NWD2: variants seen among roughly 807,000 people sequenced by gnomAD.
The protein encoded by NWD2 is NACHT and WD repeat domain-containing protein 2.
A neutral mutation model predicts 132.7 loss-of-function variants in NWD2; 37 were observed. The ratio of observed to expected loss-of-function variants is 0.28; its 90% CI spans 0.21 to 0.37. The LOEUF (loss-of-function observed/expected upper bound fraction) is 0.37, where lower values mean the gene tolerates loss of function less well. Ranked by LOEUF, NWD2 falls within the 10% of genes least tolerant of loss-of-function variation. The pLI is 1.00. For missense variants in NWD2, 1,592 were observed against 2,122.4 expected, an observed-to-expected ratio of 0.75 and a Z score of 4.91; for synonymous variants, 705 against 803.0, an observed-to-expected ratio of 0.88 and a Z score of 2.06.
At chr4:37,293,387 A>T (rs1214491197) in intron 1 of NWD2, among the ~76,000 whole-genome samples, 1 of 152,348 alleles carries the variant, frequency 6.6e-6, no homozygotes, top group East Asian at 1.9e-4. Flanking sequence ...TGTACATGGC[A>T]AGTTGCAAAC....
chr4:37,355,794 C>A (rs1458250651), intron 2 of NWD2, among the ~76,000 whole-genome samples: 1 of 151,846 alleles, frequency 6.6e-6, no homozygotes, highest in Admixed American at 6.6e-5. Flanking sequence ...ATTTTTTTGC[C>A]CGTACATGTT....
At chr4:37,436,529 G>T (rs1467406592) in intron 5 of NWD2, among the ~76,000 whole-genome samples, 1 of 151,926 alleles carries the variant, frequency 6.6e-6, no homozygotes, top group Non-Finnish European at 1.5e-5. Flanking sequence ...TGCTCCATTT[G>T]TGATCAACAC....
intron 1 of NWD2, among the ~76,000 whole-genome samples, chr4:37,290,847 T>G (rs543244044): frequency 1.3e-5 from 2 of 152,328 alleles, no homozygotes; most frequent in African/African-American, 4.8e-5. Context: ...TACTGACTTT[T>G]TAAATTAGTT....
At chr4:37,378,185 G>A (rs1005304890) in intron 3 of NWD2, among the ~76,000 whole-genome samples, 10 of 152,098 alleles carry the variant, frequency 6.6e-5, no homozygotes, top group African/African-American at 2.4e-4. Context: ...ATGTTCCTGT[G>A]TCTGCTCCAC....
At chr4:37,283,041 T>TCACA (rs1485394290) in intron 1 of NWD2, among the ~76,000 whole-genome samples, 1 of 152,166 alleles carries the variant, frequency 6.6e-6, no homozygotes, top group African/African-American at 2.4e-5. Flanking sequence ...CACCAGGGAC[T>TCACA]CACACCCTGT....
chr4:37,387,794 C>A (rs976534504), intron 3 of NWD2, among the ~76,000 whole-genome samples: 3 of 150,762 alleles, frequency 2.0e-5, no homozygotes, highest in African/African-American at 7.3e-5. Flanking sequence ...CCCGCCTCAG[C>A]CTACTGAGTA....
intron 2 of NWD2, among the ~76,000 whole-genome samples, chr4:37,348,675 T>TATATACACACACACACAC (rs1308407988): frequency 4.4e-5 from 1 of 22,572 alleles, no homozygotes; most frequent in African/African-American, 1.8e-4. Context: ...TATATATATA[T>TATATACACACACACACAC]ACACACACAC....
chr4:37,306,806 C>T (rs577134918), intron 1 of NWD2, among the ~76,000 whole-genome samples: 35 of 152,068 alleles, frequency 2.3e-4, no homozygotes, highest in African/African-American at 6.3e-4. Context: ...GCGGATCACA[C>T]GGTCAGGAGA....
intron 3 of NWD2, among the ~76,000 whole-genome samples, chr4:37,388,882 G>A (rs1194697552): frequency 1.3e-5 from 2 of 150,846 alleles, no homozygotes; most frequent in Non-Finnish European, 2.9e-5. Context: ...ACTCTCCCAC[G>A]TGCCCCTCCT....
At chr4:37,426,606 C>T (rs16993541) in intron 3 of NWD2, among the ~76,000 whole-genome samples, 4 of 152,072 alleles carry the variant, frequency 2.6e-5, no homozygotes, top group Non-Finnish European at 5.9e-5. Flanking sequence ...CAGGCTCTGC[C>T]CCTTCAGTAC....
At chr4:37,390,241 GTATATGTACATACTTTAAGTA>G (rs1313441027) in intron 3 of NWD2, among the ~76,000 whole-genome samples, 1 of 151,066 alleles carries the variant, frequency 6.6e-6, no homozygotes, top group African/African-American at 2.5e-5. Context: ...TATACTTTAA[GTATATGTACATACTTTAAGTA>G]TATGTACATA....
At chr4:37,272,264 T>C (rs1343605791) in intron 1 of NWD2, among the ~76,000 whole-genome samples, 1 of 151,740 alleles carries the variant, frequency 6.6e-6, no homozygotes, top group East Asian at 1.9e-4. Flanking sequence ...TCTGTAGTTT[T>C]CTCATAATAT....
intron 3 of NWD2, among the ~76,000 whole-genome samples, chr4:37,392,395 T>A (rs1720695372): frequency 6.6e-6 from 1 of 152,244 alleles, no homozygotes; most frequent in Non-Finnish European, 1.5e-5. Flanking sequence ...GCCTCAGCTA[T>A]ACTGACACCT....
intron 1 of NWD2, among the ~76,000 whole-genome samples, chr4:37,295,930 A>G (rs1317666351): frequency 1.3e-5 from 2 of 152,188 alleles, no homozygotes; most frequent in Admixed American, 6.5e-5. Context: ...TCCACTTACT[A>G]AAATTTATTT....
chr4:37,281,092 G>C (rs1272216646), intron 1 of NWD2, among the ~76,000 whole-genome samples: 1 of 152,120 alleles, frequency 6.6e-6, no homozygotes, highest in Non-Finnish European at 1.5e-5. Flanking sequence ...TGCTAGTTTG[G>C]AATGCTGCTT....
At chr4:37,308,552 T>C (rs570461731) in intron 1 of NWD2, among the ~76,000 whole-genome samples, 3 of 152,212 alleles carry the variant, frequency 2.0e-5, no homozygotes, top group African/African-American at 7.2e-5. Context: ...AACCAGACCT[T>C]GGGTCCCTGG....
At chr4:37,434,695 G>T (rs1224026234) in intron 5 of NWD2, among the ~76,000 whole-genome samples, 2 of 151,978 alleles carry the variant, frequency 1.3e-5, no homozygotes, top group Admixed American at 6.6e-5. Flanking sequence ...TCCCAGCAGA[G>T]GGAGCAACAG....
At chr4:37,427,265 C>T (rs1264915003) in intron 3 of NWD2, among the ~76,000 whole-genome samples, 2 of 152,110 alleles carry the variant, frequency 1.3e-5, no homozygotes, top group Non-Finnish European at 2.9e-5. Context: ...GCATTAAAAC[C>T]TCATTCTTAG....
chr4:37,367,248 A>G (rs569247018), intron 3 of NWD2, among the ~76,000 whole-genome samples: 320 of 152,310 alleles, frequency 2.1e-3, no homozygotes, highest in Non-Finnish European at 3.3e-3. Flanking sequence ...CAAAGTAGAA[A>G]AATCACAAGG....
Sources: gnomAD v4.1 joint callset for allele counts (sites outside exome capture counted in the v4.1 genomes callset) on GRCh38, gnomAD v4.1.1 for gene constraint, MANE v1.5 for transcripts, NCBI Gene and HGNC (gene_info 2026-07-23, HGNC 2026-07-21) for gene names.